The following NRXN3 variants were observed in gnomAD, a reference collection of about 807,000 sequenced individuals.
The protein encoded by NRXN3 is neurexin 3.
In NRXN3, 32 loss-of-function variants were observed where a neutral mutation model predicts 137.6. That is an observed-to-expected ratio of 0.23 (90% CI 0.18 to 0.31). The LOEUF is 0.31. NRXN3 is among the 10% of genes least tolerant of loss of function. NRXN3 has a pLI of 1.00. For synonymous variants in NRXN3, 798 were observed against 784.5 expected, an observed-to-expected ratio of 1.02 and a Z score of -0.29; for missense variants, 1,574 against 2,062.5, an observed-to-expected ratio of 0.76 and a Z score of 4.59.
chr14:79,744,585 G>A (rs952233541), intron 19 of NRXN3, among the ~76,000 whole-genome samples: 7 of 152,218 alleles, frequency 4.6e-5, no homozygotes, highest in Admixed American at 1.3e-4. Context: ...TAACATCAAC[G>A]CTTCGCTTGC....
At chr14:79,812,836 A>G (rs1168420323) in intron 20 of NRXN3, among the ~76,000 whole-genome samples, 1 of 152,168 alleles carries the variant, frequency 6.6e-6, no homozygotes, top group African/African-American at 2.4e-5. Context: ...CCAAATGCCA[A>G]TGCAAGTGGT....
At chr14:78,913,274 C>CTTTCTT (rs1225280841) in intron 10 of NRXN3, among the ~76,000 whole-genome samples, 32 of 47,846 alleles carry the variant, frequency 6.7e-4, no homozygotes, top group East Asian at 4.7e-3. Context: ...TTCTTTCTTT[C>CTTTCTT]TTTTTTTTTT....
chr14:78,872,333 T>A (rs1016860640), intron 10 of NRXN3, among the ~76,000 whole-genome samples: 16 of 149,306 alleles, frequency 1.1e-4, no homozygotes, highest in Non-Finnish European at 1.6e-4. Flanking sequence ...GGGCTTTATG[T>A]TGTATTATTT....
At chr14:78,273,354 G>T (rs2073083483) in intron 2 of NRXN3, among the ~76,000 whole-genome samples, 2 of 152,192 alleles carry the variant, frequency 1.3e-5, no homozygotes, top group Non-Finnish European at 2.9e-5. Flanking sequence ...GAGGCACTTA[G>T]AACAGTGCCT....
intron 10 of NRXN3, among the ~76,000 whole-genome samples, chr14:78,951,533 C>A (rs1330923715): frequency 6.6e-6 from 1 of 152,104 alleles, no homozygotes; most frequent in Non-Finnish European, 1.5e-5. Context: ...CACTCCCTAC[C>A]CCCAACTGCT....
At chr14:78,207,851 CT>C (rs976873719) in intron 1 of NRXN3, among the ~76,000 whole-genome samples, 19 of 152,288 alleles carry the variant, frequency 1.2e-4, no homozygotes, top group Admixed American at 1.2e-3. Flanking sequence ...ACCACCCATT[CT>C]TTTTTTCTTC....
chr14:78,752,461 G>T (rs1022615929), intron 8 of NRXN3, among the ~76,000 whole-genome samples: 1 of 152,158 alleles, frequency 6.6e-6, no homozygotes, highest in African/African-American at 2.4e-5. Context: ...TAATGTCATT[G>T]GACACATTTA....
At chr14:79,133,504 C>T (rs776579370) in intron 15 of NRXN3, among the ~76,000 whole-genome samples, 3 of 152,156 alleles carry the variant, frequency 2.0e-5, no homozygotes, top group East Asian at 1.9e-4. Context: ...GCTTAACTCT[C>T]ATTACTACCT....
At chr14:79,210,828 C>T (rs534371364) in intron 15 of NRXN3, among the ~76,000 whole-genome samples, 391 of 152,206 alleles carry the variant, frequency 2.6e-3, no homozygotes, top group Non-Finnish European at 3.7e-3. Context: ...AAAGTCTCTT[C>T]GTAGTATTTG....
chr14:79,775,082 AAG>A (rs2099092426), intron 19 of NRXN3, among the ~76,000 whole-genome samples: 1 of 152,126 alleles, frequency 6.6e-6, no homozygotes, highest in African/African-American at 2.4e-5. Flanking sequence ...AAATATATAA[AAG>A]AGCAAGATAG....
chr14:79,783,256 G>A (rs1311026955), intron 19 of NRXN3, among the ~76,000 whole-genome samples: 1 of 152,208 alleles, frequency 6.6e-6, no homozygotes, highest in East Asian at 1.9e-4. Context: ...TAGTGACGAG[G>A]CTGCAGGTCT....
At chr14:78,972,458 G>T (rs562051018) in intron 14 of NRXN3, among the ~76,000 whole-genome samples, 1 of 152,160 alleles carries the variant, frequency 6.6e-6, no homozygotes, top group Non-Finnish European at 1.5e-5. Flanking sequence ...GGGTGCACTC[G>T]AGTGACTCTT....
intron 2 of NRXN3, among the ~76,000 whole-genome samples, chr14:78,256,374 G>C (rs1047174125): frequency 6.6e-6 from 1 of 152,252 alleles, no homozygotes; most frequent in Non-Finnish European, 1.5e-5. Context: ...CTGTTGGTTA[G>C]AGGTGTTGGA....
At chr14:78,469,223 G>A (rs1402087680) in intron 4 of NRXN3, among the ~76,000 whole-genome samples, 1 of 152,030 alleles carries the variant, frequency 6.6e-6, no homozygotes, top group East Asian at 1.9e-4. Context: ...GGCAAAATAG[G>A]AATCATTATC....
In NRXN3 at chr14:79,867,087, GA is replaced by G. The variant is rs1442616464; in HGVS notation, c.*5127del. ...TTTTTCTAATTGTGTTTATTACAAA[GA>G]AAACAGACCCGAAGAACTTAAATGA... On this transcript the variant is annotated 3_prime_UTR_variant, in exon 21 of 21. Transcript: ENST00000335750. The G allele has an allele frequency of 1.3e-5, 2 of 152,136 alleles. No individual in the cohort carries two copies. Among genetic ancestry groups the G allele is most frequent in the African/African-American group, 4.8e-5 (2 of 41,412 alleles). The allele number at this position is 152,136 out of a possible 1,614,324, so 9.4% of individuals were successfully genotyped here. A position where few individuals can be genotyped will look rare whatever the true frequency, so the allele number is the denominator to read the frequency against.
At chr14:78,212,211 T>A (rs2062818885) in intron 1 of NRXN3, among the ~76,000 whole-genome samples, 2 of 152,250 alleles carry the variant, frequency 1.3e-5, no homozygotes, top group African/African-American at 4.8e-5. Flanking sequence ...TCACAGTGTG[T>A]CTGGTTATCT....
At chr14:78,407,931 G>GAA (rs1391679195) in intron 4 of NRXN3, among the ~76,000 whole-genome samples, 1 of 152,150 alleles carries the variant, frequency 6.6e-6, no homozygotes, top group Non-Finnish European at 1.5e-5. Context: ...AATAGCATTT[G>GAA]AACAAATGCA....
intron 15 of NRXN3, among the ~76,000 whole-genome samples, chr14:79,399,008 CAAA>C (rs34172134): frequency 1.3e-5 from 1 of 76,164 alleles, no homozygotes; most frequent in African/African-American, 5.5e-5. Flanking sequence ...GACTCCATCT[CAAA>C]AAAAAAAAAA....
intron 6 of NRXN3, among the ~76,000 whole-genome samples, chr14:78,707,672 G>A (rs1361585353): frequency 6.6e-6 from 1 of 152,086 alleles, no homozygotes; most frequent in African/African-American, 2.4e-5. Flanking sequence ...AGTATACACT[G>A]CACCCTATTT....
Sources: gnomAD v4.1 joint callset for allele counts (sites outside exome capture counted in the v4.1 genomes callset) on GRCh38, gnomAD v4.1.1 for gene constraint, MANE v1.5 for transcripts, NCBI Gene and HGNC (gene_info 2026-07-23, HGNC 2026-07-21) for gene names.